RNF213: variants seen among roughly 807,000 people sequenced by gnomAD.
The protein encoded by RNF213 is E3 ubiquitin-protein ligase RNF213.
A neutral mutation model predicts 514.4 loss-of-function variants in RNF213; 341 were observed. The observed-to-expected ratio is 0.66, with a 90% CI of 0.61 to 0.73. RNF213 has a LOEUF of 0.73. Ranked by LOEUF, RNF213 falls within the 30% of genes least tolerant of loss-of-function variation. The pLI is 0.00. For synonymous variants in RNF213, 2,655 were observed against 2,658.2 expected (o/e 1.00, Z 0.04); for missense variants, 5,767 against 6,615.6 (o/e 0.87, Z 4.45).
intron 8 of RNF213, 64 bp downstream of exon 8, chr17:80,291,891 T>C (rs2044744016): frequency 1.9e-6 from 3 of 1,549,846 alleles, no homozygotes; most frequent in Non-Finnish European, 2.7e-6. Flanking sequence ...CCCGCGGTAC[T>C]GGACGCGTCT....
intron 2 of RNF213, 50 bp from the exon 3 acceptor site, chr17:80,273,191 A>G: frequency 1.9e-6 from 3 of 1,605,900 alleles, no homozygotes; most frequent in Non-Finnish European, 2.6e-6. Flanking sequence ...TTTCCTTCCT[A>G]ACACTCGCTT....
intron 16 of RNF213, among the ~76,000 whole-genome samples, chr17:80,318,654 A>G (rs1234201065): frequency 6.6e-6 from 1 of 151,996 alleles, no homozygotes; most frequent in East Asian, 1.9e-4. Flanking sequence ...GCTCACTGCA[A>G]ACTCCGCCTC....
chr17:80,389,882 G>T lies in RNF213; in HGVS notation c.15250G>T (p.Ala5084Ser). The T allele has an allele frequency of 1.9e-6, 3 of 1,614,188 alleles. No homozygotes were observed. The highest frequency in any genetic ancestry group is 2.5e-6 in the Non-Finnish European group (3 of 1,180,044). Residue 5084 changes from alanine to serine, a missense_variant, in exon 66 of 68, where the codon GCT becomes TCT. Physicochemically the swap from Ala to Ser is moderately conservative, Grantham distance 99 (BLOSUM62 1). This residue lies in a region of RNF213 where 1,245 missense variants were observed against 1,339.0 expected (regional missense o/e 0.93). Coordinates refer to ENST00000582970, the MANE Select transcript of RNF213 (RefSeq NM_001256071.3). ...CATTGCCCTCTGGCAGTTCCTGTCTGCTCATAAGTCTGAACAGCTGCTGCG... is the reference window on the plus strand; with the variant it reads ...CATTGCCCTCTGGCAGTTCCTGTCTTCTCATAAGTCTGAACAGCTGCTGCG... ...HTIALWQFLS[A>S]HKSEQLLRLH...
At chr17:80,386,968 A>G (rs1284361197) in intron 63 of RNF213, 77 bp downstream of exon 63, 9 of 1,388,196 alleles carry the variant, frequency 6.5e-6, no homozygotes, top group Non-Finnish European at 8.9e-6. Flanking sequence ...GTTTCTCGAG[A>G]GAGGGAAGCA....
At chr17:80,351,588 C>T (rs956975229) in intron 31 of RNF213, 97 bp from the exon 32 acceptor site, 7 of 725,622 alleles carry the variant, frequency 9.6e-6, no homozygotes, top group Middle Eastern at 3.4e-4. Context: ...TCGGAGAACA[C>T]CCTTCTGCAG....
chr17:80,392,149 T>G (rs1033841218), intron 67 of RNF213, among the ~76,000 whole-genome samples: 3 of 152,100 alleles, frequency 2.0e-5, no homozygotes, highest in Non-Finnish European at 4.4e-5. Flanking sequence ...TTTAACTTGA[T>G]GTTTTCCTGA....
At chr17:80,389,471 G>A in intron 65 of RNF213, 104 bp downstream of exon 65, 2 of 999,672 alleles carry the variant, frequency 2.0e-6, no homozygotes, top group South Asian at 2.7e-5. Flanking sequence ...AGGCGCTCCT[G>A]AAAAGGATGG....
At chr17:80,321,991 TG>T (rs2046152963) in intron 17 of RNF213, among the ~76,000 whole-genome samples, 1 of 152,188 alleles carries the variant, frequency 6.6e-6, no homozygotes, top group Non-Finnish European at 1.5e-5. Flanking sequence ...CCCAAAGTGC[TG>T]GGATTACAGG....
At chr17:80,276,231 G>T (rs2044052594) in intron 3 of RNF213, among the ~76,000 whole-genome samples, 1 of 151,914 alleles carries the variant, frequency 6.6e-6, no homozygotes, top group South Asian at 2.1e-4. Context: ...CTCCCAGCTA[G>T]CTGGGATTAC....
At chr17:80,265,792 G>A (rs778024718) in intron 2 of RNF213, among the ~76,000 whole-genome samples, 2 of 152,194 alleles carry the variant, frequency 1.3e-5, no homozygotes, top group Non-Finnish European at 1.5e-5. Context: ...CACTTAAGCC[G>A]GATGCCGTGG....
intron 30 of RNF213, 76 bp downstream of exon 30, chr17:80,349,982 C>A: frequency 6.5e-7 from 1 of 1,544,686 alleles, no homozygotes; most frequent in East Asian, 2.3e-5. Context: ...GCGATGGTAC[C>A]CGCGCCGGTT....
At chr17:80,301,605 C>T (rs2045181864) in intron 11 of RNF213, among the ~76,000 whole-genome samples, 1 of 152,012 alleles carries the variant, frequency 6.6e-6, no homozygotes, top group Admixed American at 6.6e-5. Context: ...ATGGTCTTAC[C>T]CAAGTTAGAA....
At chr17:80,269,778 G>GT (rs2043757913) in intron 2 of RNF213, among the ~76,000 whole-genome samples, 1 of 151,940 alleles carries the variant, frequency 6.6e-6, no homozygotes, top group Non-Finnish European at 1.5e-5. Flanking sequence ...ATCCATCCAT[G>GT]TATCTACCTA....
chr17:80,297,679 C>T (rs1000353932), intron 10 of RNF213, among the ~76,000 whole-genome samples: 4 of 149,382 alleles, frequency 2.7e-5, no homozygotes, highest in Non-Finnish European at 5.9e-5. Context: ...CCCAGCTACT[C>T]GGGAGGCTGA....
At chr17:80,315,690 GGTGATGGTAGAGGTAATGGAAGTGA>G (rs2045893855) in intron 15 of RNF213, 1 of 152,218 alleles carries the variant, frequency 6.6e-6, no homozygotes, top group African/African-American at 2.5e-5. Flanking sequence ...TGGTGGTGAA[GGTGATGGTAGAGGTAATGGAAGTGA>G]TGGTGGAGGT....
At chr17:80,318,604 C>T (rs184733392) in intron 16 of RNF213, among the ~76,000 whole-genome samples, 1,784 of 151,802 alleles carry the variant, frequency 0.012, 125 homozygotes, top group Admixed American at 0.11. Context: ...GACGGGGTCT[C>T]GCTCTATCGC....
Position 80,349,878 on chromosome 17 carries a change from A to G in RNF213, c.10060A>G (p.Thr3354Ala). The change falls in exon 30 of 68, where the codon ACC becomes GCC. Residue 3354 changes from threonine to alanine, a missense_variant. Around this residue, in one of 13 missense-constraint regions of RNF213, gnomAD observed 919 missense variants for 1,121.0 expected, o/e 0.82. Transcript: ENST00000582970. ...ACTCCTGTGGCTGCAGCAGTTTGAC[A>G]CCGAGTACTCATTCCTCAAAGAAGT... ...PTLLWLQQFD[T>A]EYSFLKEVRN... 1.2e-6 allele frequency: 2 copies of G among 1,613,912 alleles called. No individual in the cohort carries two copies. The highest frequency in any genetic ancestry group is 2.2e-5 in the East Asian group (1 of 44,882).
intron 54 of RNF213, among the ~76,000 whole-genome samples, chr17:80,378,835 AAAAT>A (rs2079866362): frequency 6.6e-6 from 1 of 152,154 alleles, no homozygotes; most frequent in African/African-American, 2.4e-5. Flanking sequence ...CTGATTTTGA[AAAAT>A]AAGCCTTTGG....
chr17:80,363,423 G>T (rs2079128976), intron 40 of RNF213, 109 bp downstream of exon 40: 1 of 1,254,144 alleles, frequency 8.0e-7, no homozygotes. Context: ...TTCTTCACAA[G>T]GCACATACCT....
Sources: allele counts gnomAD v4.1 joint callset (sites outside exome capture counted in the v4.1 genomes callset), GRCh38; gene constraint gnomAD v4.1.1; regional missense constraint gnomAD v4.1.1; transcripts MANE v1.5; gene names NCBI Gene and HGNC (gene_info 2026-07-23, HGNC 2026-07-21).